The following CREBBP variants were observed in gnomAD, a reference collection of about 807,000 sequenced individuals.
CREBBP encodes CREB binding lysine acetyltransferase, also known as CREB-binding protein.
Under a neutral mutation model 265.0 loss-of-function variants are expected in CREBBP, and 19 were observed. The ratio of observed to expected loss-of-function variants is 0.07; its 90% CI spans 0.05 to 0.11. The LOEUF (loss-of-function observed/expected upper bound fraction) is 0.11, where lower values mean the gene tolerates loss of function less well. CREBBP is among the 10% of genes least tolerant of loss of function. CREBBP has a pLI of 1.00. For synonymous variants in CREBBP, 1,457 were observed against 1,223.7 expected, an observed-to-expected ratio of 1.19 and a Z score of -3.98; for missense variants, 2,525 against 3,219.0, an observed-to-expected ratio of 0.78 and a Z score of 5.22.
At chr16:3,749,148 A>C (rs2052417632) in intron 21 of CREBBP, among the ~76,000 whole-genome samples, 1 of 152,252 alleles carries the variant, frequency 6.6e-6, no homozygotes, top group Non-Finnish European at 1.5e-5. Context: ...CTGTCTCAAA[A>C]AACAAAACAA....
chr16:3,879,989 C>A lies in CREBBP; in HGVS notation c.-73G>T. The stretch of plus-strand genomic sequence containing the variant: ...CGAGGGCCCGGACGGGGGTCGGGGG[C>A]CCTGCCGGCTGCGAGGGAGAGGAGC... On this transcript the variant is annotated 5_prime_UTR_variant, in exon 1 of 31. Transcript: ENST00000262367. 2.1e-6 allele frequency: 3 copies of A among 1,454,054 alleles called. No homozygotes were observed. The South Asian group carries it at 3.7e-5, about 18-fold the overall frequency. 90.1% of individuals were successfully genotyped at this position (1,454,054 alleles called of 1,614,324 possible). A position where few individuals can be genotyped will look rare whatever the true frequency, so the allele number is the denominator to read the frequency against.
At chr16:3,842,707 G>C (rs1038802883) in intron 2 of CREBBP, among the ~76,000 whole-genome samples, 1 of 152,090 alleles carries the variant, frequency 6.6e-6, no homozygotes, top group Non-Finnish European at 1.5e-5. Context: ...GCTCATGCCT[G>C]TAACCTCAGC....
At chr16:3,804,645 C>G (rs1281067473) in intron 3 of CREBBP, among the ~76,000 whole-genome samples, 2 of 152,236 alleles carry the variant, frequency 1.3e-5, no homozygotes, top group African/African-American at 2.4e-5. Context: ...TGTATTTACT[C>G]GGTTCTTCTA....
chr16:3,779,212 C>T (rs554005225), intron 8 of CREBBP, among the ~76,000 whole-genome samples: 13 of 151,560 alleles, frequency 8.6e-5, no homozygotes, highest in Non-Finnish European at 1.2e-4. Context: ...CTTGCTCTAT[C>T]GCCCAGGCTG....
At chr16:3,755,781 G>C (rs2052572141) in intron 19 of CREBBP, among the ~76,000 whole-genome samples, 1 of 152,166 alleles carries the variant, frequency 6.6e-6, no homozygotes, top group African/African-American at 2.4e-5. Flanking sequence ...ATCAGACTCT[G>C]AATGTTAAAC....
intron 21 of CREBBP, among the ~76,000 whole-genome samples, chr16:3,748,473 G>C (rs532763154): frequency 3.9e-5 from 6 of 152,336 alleles, no homozygotes; most frequent in African/African-American, 1.4e-4. Flanking sequence ...CGTCCTGTCT[G>C]TGTACCATGT....
rs539451102 is a variant in CREBBP, at chr16:3,873,392, T to C, written c.85+6440A>G. ...AGAGTCAATGGTATAGATGACAGAA[T>C]TCCCGGCTATGTATCTGCTGAGGTG... On this transcript the variant is annotated intron_variant, in intron 1 of 30. Coordinates refer to ENST00000262367, the MANE Select transcript of CREBBP (RefSeq NM_004380.3). Among the ~76,000 whole-genome samples the C allele has an allele frequency of 2.0e-5, 3 of 152,300 alleles. No individual in the cohort carries two copies. The South Asian group carries it at 6.2e-4, about 32-fold the overall frequency.
chr16:3,812,646 G>A (rs1315275196), intron 2 of CREBBP, among the ~76,000 whole-genome samples: 1 of 151,904 alleles, frequency 6.6e-6, no homozygotes. Flanking sequence ...GTTCCCTGAT[G>A]ACCCCCAGCT....
intron 1 of CREBBP, among the ~76,000 whole-genome samples, chr16:3,871,199 T>TCA (rs1037838119): frequency 1.6e-3 from 78 of 49,820 alleles, no homozygotes; most frequent in African/African-American, 4.1e-3. Context: ...TCTCTCTCAC[T>TCA]CACACACACA....
intron 11 of CREBBP, among the ~76,000 whole-genome samples, chr16:3,776,776 G>C (rs965112111): frequency 1.2e-4 from 18 of 151,952 alleles, no homozygotes; most frequent in Admixed American, 5.9e-4. Context: ...ACTTTGGAAG[G>C]CCAAGGTGGG....
intron 21 of CREBBP, chr16:3,745,742 T>C (rs955662323): frequency 1.4e-5 from 5 of 350,976 alleles, no homozygotes; most frequent in East Asian, 5.8e-5. Context: ...ACTTAAAAAA[T>C]AGAGAACAAT....
In CREBBP at chr16:3,780,351, G is replaced by A. The variant is rs2053244625; in HGVS notation, c.1823+381C>T. On this transcript the variant is annotated intron_variant, in intron 8 of 30. Transcript: ENST00000262367. ...CTCTAAACTTTTCCAATTCTGAGGG[G>A]TCTCCACAACTAGAATCTGGAACTA... Among the ~76,000 whole-genome samples the A allele has an allele frequency of 2.6e-5, 4 of 152,068 alleles. No homozygotes were observed. The South Asian group carries it at 8.3e-4, about 31-fold the overall frequency.
intron 1 of CREBBP, among the ~76,000 whole-genome samples, chr16:3,874,665 T>C (rs1045893678): frequency 6.6e-6 from 1 of 152,204 alleles, no homozygotes; most frequent in Non-Finnish European, 1.5e-5. Flanking sequence ...TCAAACAGGA[T>C]TGAGAGTGGT....
chr16:3,872,474 C>G (rs2055320418), intron 1 of CREBBP, among the ~76,000 whole-genome samples: 1 of 152,180 alleles, frequency 6.6e-6, no homozygotes, highest in South Asian at 2.1e-4. Context: ...GCACTGCTCC[C>G]AAGGCTTACA....
At chr16:3,822,309 G>T (rs1384056114) in intron 2 of CREBBP, among the ~76,000 whole-genome samples, 1 of 152,200 alleles carries the variant, frequency 6.6e-6, no homozygotes, top group Non-Finnish European at 1.5e-5. Context: ...AGGCGTGAAT[G>T]TGTATAGGTA....
chr16:3,741,755 C>G (rs2052215888), intron 23 of CREBBP: 1 of 151,584 alleles, frequency 6.6e-6, no homozygotes, highest in Non-Finnish European at 1.5e-5. Flanking sequence ...GCCTGGCCAA[C>G]ATGGTGAAAC....
Position 3,875,088 on chromosome 16 carries a change from G to A in CREBBP, c.85+4744C>T, listed in dbSNP as rs544787033. Among the ~76,000 whole-genome samples the A allele has an allele frequency of 5.3e-5, 8 of 152,298 alleles. No homozygotes were observed. The East Asian group carries it at 1.5e-3, about 29-fold the overall frequency. On this transcript the variant is annotated intron_variant, in intron 1 of 30. Transcript: ENST00000262367. ...AATTACAACACACTACTTAGAAGCTGTGAAAACACAGGCGACTAATCTAAG... is the reference window on the plus strand; with the variant it reads ...AATTACAACACACTACTTAGAAGCTATGAAAACACAGGCGACTAATCTAAG...
chr16:3,768,050 C>G, intron 15 of CREBBP, 141 bp from the exon 16 acceptor site: 2 of 733,320 alleles, frequency 2.7e-6, no homozygotes, highest in South Asian at 3.1e-5. Context: ...TTCCTCTTCT[C>G]TTCCGGAAGA....
At chr16:3,736,470 G>T (rs901491341) in intron 27 of CREBBP, 180 bp downstream of exon 27, 3 of 945,332 alleles carry the variant, frequency 3.2e-6, no homozygotes, top group East Asian at 2.6e-5. Flanking sequence ...GACGGCCAGG[G>T]GAAAGCCTCA....
Sources: allele counts gnomAD v4.1 joint callset (sites outside exome capture counted in the v4.1 genomes callset), GRCh38; gene constraint gnomAD v4.1.1; transcripts MANE v1.5; gene names NCBI Gene and HGNC (gene_info 2026-07-23, HGNC 2026-07-21).